Variants in TRMT6 observed in about 807,000 individuals in gnomAD.
TRMT6 encodes tRNA (adenine(58)-N(1))-methyltransferase non-catalytic subunit TRM6.
In TRMT6, 34 loss-of-function variants were observed where a neutral mutation model predicts 59.0. The observed-to-expected ratio is 0.58, with a 90% CI of 0.44 to 0.77. The LOEUF (loss-of-function observed/expected upper bound fraction) is 0.77. Among genes scored for constraint, TRMT6 ranks in the 30% least tolerant of loss-of-function variants. The pLI, the probability that TRMT6 is intolerant of heterozygous loss-of-function variation, is 0.00. For missense variants in TRMT6, 575 were observed against 604.5 expected, an observed-to-expected ratio of 0.95 and a Z score of 0.51; for synonymous variants, 217 against 210.5, an observed-to-expected ratio of 1.03 and a Z score of -0.27.
chr20:5,942,338 A>C (rs745859189), intron 7 of TRMT6, 90 bp downstream of exon 7: 15 of 1,177,392 alleles, frequency 1.3e-5, no homozygotes, highest in South Asian at 3.7e-5. Context: ...GGGAGCTAAT[A>C]CACCAAAGCC....
chr20:5,937,586 A>G lies in TRMT6; in HGVS notation c.*949T>C, dbSNP rs1430277601. On this transcript the variant is annotated 3_prime_UTR_variant, in exon 11 of 11. Transcript: ENST00000203001. ...GAAAGGCACTTTAGGGACATTTGACAAGGAATGACACTAATACAATGAGAA... is the reference window on the plus strand; with the variant it reads ...GAAAGGCACTTTAGGGACATTTGACGAGGAATGACACTAATACAATGAGAA... 1 of 152,248 alleles carries G rather than the reference A, an allele frequency of 6.6e-6. No individual in the cohort carries two copies. The highest frequency in any genetic ancestry group is 1.5e-5 in the Non-Finnish European group (1 of 68,046). 9.4% of individuals were successfully genotyped at this position (152,248 alleles called of 1,614,324 possible). A position where few individuals can be genotyped will look rare whatever the true frequency, so the allele number is the denominator to read the frequency against.
At chr20:5,948,011 C>G (rs1048909556) in intron 1 of TRMT6, among the ~76,000 whole-genome samples, 4 of 152,164 alleles carry the variant, frequency 2.6e-5, no homozygotes, top group African/African-American at 9.7e-5. Flanking sequence ...AAATTAGTTA[C>G]TGAGGAGGCT....
chr20:5,941,449 CAA>C, intron 8 of TRMT6, 104 bp from the exon 9 acceptor site: 1 of 783,130 alleles, frequency 1.3e-6, no homozygotes, highest in African/African-American at 1.7e-5. Flanking sequence ...GCATGACTCA[CAA>C]AGAGAAGAGA....
At chr20:5,949,667 C>A (rs1416478074) in intron 1 of TRMT6, among the ~76,000 whole-genome samples, 1 of 152,186 alleles carries the variant, frequency 6.6e-6, no homozygotes, top group African/African-American at 2.4e-5. Context: ...GAATTGTCTC[C>A]TTCATCTATT....
chr20:5,940,064 C>T (rs1423550065), intron 10 of TRMT6, among the ~76,000 whole-genome samples: 1 of 152,212 alleles, frequency 6.6e-6, no homozygotes, highest in African/African-American at 2.4e-5. Context: ...TTCTGCTTAA[C>T]ACAGGGCTCC....
Position 5,950,271 on chromosome 20 carries a change from G to T in TRMT6, c.128+7C>A. On this transcript the variant is annotated splice_region_variant and intron_variant, in intron 1 of 10. Coordinates refer to ENST00000203001, the MANE Select transcript of TRMT6 (RefSeq NM_015939.5). The stretch of plus-strand genomic sequence containing the variant: ...GGGAGACCCCTAAAATCAGCGATCT[G>T]ACTTACTTTCTCCGCTGGACTTGTA... 1.2e-6 allele frequency: 2 copies of T among 1,602,162 alleles called. No individual in the cohort carries two copies. Among genetic ancestry groups the T allele is most frequent in the South Asian group, 2.2e-5 (2 of 90,448 alleles).
chr20:5,944,222 G>A lies in TRMT6; in HGVS notation c.398C>T (p.Thr133Ile). ...EIVQQLIENS[T>I]TFRDKTEFAQ... is the part of the protein sequence containing the mutation. ...AAATTCTGTCTTGTCTCGGAATGTTGTACTATTTTCAATTAACTGCTGAAC... is the reference window on the plus strand; with the variant it reads ...AAATTCTGTCTTGTCTCGGAATGTTATACTATTTTCAATTAACTGCTGAAC... The change falls in exon 4 of 11, where the codon ACA (threonine) becomes ATA (isoleucine). Residue 133 changes from threonine to isoleucine, a missense_variant. Coordinates refer to ENST00000203001, the MANE Select transcript of TRMT6 (RefSeq NM_015939.5). 2 of 1,569,488 alleles carry A rather than the reference G, an allele frequency of 1.3e-6. No individual in the cohort carries two copies. Among genetic ancestry groups the A allele is most frequent in the African/African-American group, 1.4e-5 (1 of 73,200 alleles).
chr20:5,946,560 T>C (rs1442083055), intron 1 of TRMT6, 27 bp from the exon 2 acceptor site: 3 of 1,609,788 alleles, frequency 1.9e-6, no homozygotes, highest in Non-Finnish European at 2.5e-6. Flanking sequence ...ATCAATTAAC[T>C]GAATATCTTT....
chr20:5,942,082 C>A, intron 7 of TRMT6, 46 bp from the exon 8 acceptor site: 1 of 1,494,190 alleles, frequency 6.7e-7, no homozygotes, highest in South Asian at 1.1e-5. Flanking sequence ...GTCTTTCAGT[C>A]AAATTTATGG....
At chr20:5,948,412 G>T (rs938634838) in intron 1 of TRMT6, among the ~76,000 whole-genome samples, 2 of 152,194 alleles carry the variant, frequency 1.3e-5, no homozygotes, top group African/African-American at 2.4e-5. Flanking sequence ...AGTCTGACCT[G>T]GGATGCAGCT....
chr20:5,950,261 T>C lies in TRMT6; in HGVS notation c.128+17A>G, dbSNP rs1414468119. The C allele has an allele frequency of 6.3e-7, 1 of 1,591,764 alleles. No homozygotes were observed. The highest frequency in any genetic ancestry group is 8.6e-7 in the Non-Finnish European group (1 of 1,164,268). Reference sequence around the variant, plus strand: ...AGGTGGGGGCGGGAGACCCCTAAAATCAGCGATCTGACTTACTTTCTCCGC... The same window carrying C: ...AGGTGGGGGCGGGAGACCCCTAAAACCAGCGATCTGACTTACTTTCTCCGC... On this transcript the variant is annotated intron_variant, in intron 1 of 10. Transcript: ENST00000203001.
intron 1 of TRMT6, among the ~76,000 whole-genome samples, chr20:5,949,448 TAAC>T (rs2122616492): frequency 6.6e-6 from 1 of 152,302 alleles, no homozygotes; most frequent in African/African-American, 2.4e-5. Context: ...TCTTAGGACT[TAAC>T]AACCTCACCA....
At chr20:5,949,413 C>T (rs573452187) in intron 1 of TRMT6, among the ~76,000 whole-genome samples, 5 of 152,178 alleles carry the variant, frequency 3.3e-5, no homozygotes, top group South Asian at 2.1e-4. Context: ...CCAAATATCC[C>T]AATAAATTTT....
intron 1 of TRMT6, among the ~76,000 whole-genome samples, chr20:5,947,671 T>C (rs1314596385): frequency 6.6e-6 from 1 of 152,204 alleles, no homozygotes; most frequent in Non-Finnish European, 1.5e-5. Context: ...CTCAAAATAT[T>C]TGCTAATGTA....
Position 5,946,545 on chromosome 20 carries a change from A to G in TRMT6, c.129-12T>C. The G allele has an allele frequency of 1.2e-6, 2 of 1,613,300 alleles. No individual in the cohort carries two copies. The highest frequency in any genetic ancestry group is 4.5e-5 in the East Asian group (2 of 44,876). The stretch of plus-strand genomic sequence containing the variant: ...CGAAAGTTACTTTTCTAGGGAAAAA[A>G]AGTAATCAATTAACTGAATATCTTT... On this transcript the variant is annotated splice_polypyrimidine_tract_variant and intron_variant, in intron 1 of 10. Coordinates refer to ENST00000203001, the MANE Select transcript of TRMT6 (RefSeq NM_015939.5).
chr20:5,941,926 C>T, intron 8 of TRMT6, 25 bp downstream of exon 8: 7 of 1,600,846 alleles, frequency 4.4e-6, no homozygotes, highest in Non-Finnish European at 6.0e-6. Flanking sequence ...ACTGAGGAGT[C>T]TCCTGCCTTC....
rs1160579936 is a variant in TRMT6 at position 5,941,113 on chromosome 20, C to T, written c.1242G>A (p.Leu414=). Residue 414 remains leucine, a synonymous_variant, in exon 10 of 11, where the codon CTG becomes CTA. Transcript: ENST00000203001. ...KEPLLECYTK[L]RERGGVINLR... ...GGTTGATGACCCCTCCCCTCTCCCG[C>T]AGTTTTGTGTAGCATTCCAACAGAG... The T allele has an allele frequency of 6.2e-7, 1 of 1,614,066 alleles. No individual in the cohort carries two copies. Among genetic ancestry groups the T allele is most frequent in the Non-Finnish European group, 8.5e-7 (1 of 1,180,026 alleles).
At chr20:5,947,346 T>G (rs73087119) in intron 1 of TRMT6, among the ~76,000 whole-genome samples, 8,629 of 152,222 alleles carry the variant, frequency 0.057, 438 homozygotes, top group East Asian at 0.23. Context: ...GGGAATCATG[T>G]GGTGGTTAAT....
chr20:5,939,616 T>C (rs1265307007), intron 10 of TRMT6, among the ~76,000 whole-genome samples: 1 of 152,108 alleles, frequency 6.6e-6, no homozygotes, highest in Non-Finnish European at 1.5e-5. Context: ...GAACTGTGCA[T>C]ATAGCTTTCT....
Sources: allele counts gnomAD v4.1 joint callset (sites outside exome capture counted in the v4.1 genomes callset), GRCh38; gene constraint gnomAD v4.1.1; transcripts MANE v1.5; gene names NCBI Gene and HGNC (gene_info 2026-07-23, HGNC 2026-07-21).